Variants in GORASP2 observed in about 807,000 individuals in gnomAD.
GORASP2 encodes Golgi reassembly-stacking protein 2.
In GORASP2, 22 loss-of-function variants were observed where a neutral mutation model predicts 45.7. The ratio of observed to expected loss-of-function variants is 0.48; its 90% confidence interval spans 0.34 to 0.69. GORASP2 has a LOEUF of 0.69. Ranked by LOEUF, GORASP2 falls within the 30% of genes least tolerant of loss-of-function variation. The pLI, the probability that GORASP2 is intolerant of heterozygous loss-of-function variation, is 0.01. For missense variants in GORASP2, 491 were observed against 562.7 expected (o/e 0.87, Z 1.29); for synonymous variants, 221 against 215.6 (o/e 1.02, Z -0.22).
intron 9 of GORASP2, among the ~76,000 whole-genome samples, chr2:170,964,820 T>C (rs1704648384): frequency 6.6e-6 from 1 of 151,808 alleles, no homozygotes; most frequent in African/African-American, 2.4e-5. Context: ...GTGGTTGCCC[T>C]GAACCTGTGC....
At chr2:170,938,964 A>G (rs1460546988) in intron 1 of GORASP2, among the ~76,000 whole-genome samples, 1 of 152,178 alleles carries the variant, frequency 6.6e-6, no homozygotes, top group Non-Finnish European at 1.5e-5. Context: ...CTGTACTCCA[A>G]CCTGGGAACA....
Position 170,962,943 on chromosome 2 carries a change from C to T in GORASP2, c.1015C>T (p.Pro339Ser), listed in dbSNP as rs763414190. ...PGVGLPELVN[P>S]GLPPLPSMPP... ...GGTTGGCTTACCAGAACTTGTAAACCCAGGTATGTTGCAGATCTCACCCTC... is the reference window on the plus strand; with the variant it reads ...GGTTGGCTTACCAGAACTTGTAAACTCAGGTATGTTGCAGATCTCACCCTC... Residue 339 changes from proline to serine, a missense_variant, in exon 9 of 10, where the codon CCA becomes TCA. By Grantham distance (74) the Pro-to-Ser change is moderately conservative. Coordinates refer to ENST00000234160, the MANE Select transcript of GORASP2 (RefSeq NM_015530.5). The T allele has an allele frequency of 6.2e-7, 1 of 1,606,176 alleles. No individual in the cohort carries two copies.
At chr2:170,958,103 T>C (rs1288887833) in intron 7 of GORASP2, among the ~76,000 whole-genome samples, 2 of 152,230 alleles carry the variant, frequency 1.3e-5, no homozygotes, top group Non-Finnish European at 2.9e-5. Flanking sequence ...ATTGGTCTCC[T>C]AGGTTCTCAT....
Position 170,966,504 on chromosome 2 carries a change from A to C in GORASP2, c.*374A>C. On this transcript the variant is annotated 3_prime_UTR_variant, in exon 10 of 10. Coordinates refer to ENST00000234160, the MANE Select transcript of GORASP2 (RefSeq NM_015530.5). ...GAAAATGAAATATTCTATGCCTAATACTCACACGCAACATTTCTTGTACTT... is the reference window on the plus strand; with the variant it reads ...GAAAATGAAATATTCTATGCCTAATCCTCACACGCAACATTTCTTGTACTT... 1 of 270,598 alleles carries C rather than the reference A, an allele frequency of 3.7e-6. No homozygotes were observed. Among genetic ancestry groups the C allele is most frequent in the Non-Finnish European group, 7.1e-6 (1 of 141,230 alleles). The allele number at this position is 270,598 out of a possible 1,614,324, so 16.8% of individuals were successfully genotyped here.
intron 9 of GORASP2, 31 bp downstream of exon 9, chr2:170,962,977 C>T (rs2105329935): frequency 1.4e-6 from 2 of 1,422,062 alleles, no homozygotes; most frequent in Non-Finnish European, 1.0e-6. Context: ...TCCTAGGACT[C>T]TCTCTAATAA....
intron 6 of GORASP2, among the ~76,000 whole-genome samples, 170 bp downstream of exon 6, chr2:170,954,952 A>C (rs905018081): frequency 1.3e-5 from 2 of 152,210 alleles, no homozygotes; most frequent in African/African-American, 4.8e-5. Context: ...GAGGTTAGAT[A>C]TGTGAGTCTG....
At chr2:170,956,605 T>C (rs928312731) in intron 7 of GORASP2, 46 bp downstream of exon 7, 8 of 1,511,252 alleles carry the variant, frequency 5.3e-6, no homozygotes, top group Non-Finnish European at 6.3e-6. Context: ...TTATGTAATA[T>C]TATTGCATAG....
chr2:170,929,239 G>A, upstream of GORASP2: 1 of 897,766 alleles, frequency 1.1e-6, no homozygotes, highest in Non-Finnish European at 1.5e-6. Context: ...CGGCGGCAGC[G>A]AGTGCCACGT....
chr2:170,957,365 C>G (rs991682381), intron 7 of GORASP2, among the ~76,000 whole-genome samples: 1 of 152,162 alleles, frequency 6.6e-6, no homozygotes, highest in African/African-American at 2.4e-5. Context: ...CAACCTCTGC[C>G]TCCCGAGTTC....
intron 9 of GORASP2, among the ~76,000 whole-genome samples, chr2:170,963,708 T>A (rs905687304): frequency 6.6e-6 from 1 of 152,056 alleles, no homozygotes; most frequent in East Asian, 1.9e-4. Flanking sequence ...GTGGCACCGA[T>A]CTTGGCTCAC....
Position 170,965,882 on chromosome 2 carries a change from G to T in GORASP2, c.1111G>T (p.Val371Phe). ...CGAGTTCCTCCCGTCATTCCCCTTG[G>T]TTCCAGAGAGCTCTTCTGCAGCAAG... is the stretch of plus-strand genomic sequence containing the variant. The part of the protein sequence containing the change: ...PSEFLPSFPL[V>F]PESSSAASSG... The change falls in exon 10 of 10, where the codon GTT becomes TTT. Residue 371 changes from valine (V) to phenylalanine (F), a missense_variant. By Grantham distance (50) the Val-to-Phe change is conservative (BLOSUM62 -1). Around this residue, in one of 2 missense-constraint regions of GORASP2, gnomAD observed 297 missense variants for 292.3 expected, o/e 1.02. Transcript: ENST00000234160. The T allele has an allele frequency of 1.2e-6, 2 of 1,613,860 alleles. No individual in the cohort carries two copies. Among genetic ancestry groups the T allele is most frequent in the Non-Finnish European group, 8.5e-7 (1 of 1,179,956 alleles).
rs543538064 is a variant in GORASP2, at chr2:170,929,553, G to A, written c.63+150G>A. 1.4e-3 allele frequency: 939 copies of A among 670,004 alleles called. 6 individuals carry two copies. The African/African-American group carries it at 0.016, about 12-fold the overall frequency. 41.5% of individuals were successfully genotyped at this position (670,004 alleles called of 1,614,324 possible). A position where few individuals can be genotyped will look rare whatever the true frequency, so the allele number is the denominator to read the frequency against. ...GCGGGCGCTGCCTTGGTCGAGGCTG[G>A]TTCCGGAGGCCGCTCGCATCCCACC... On this transcript the variant is annotated intron_variant, in intron 1 of 9. Coordinates refer to ENST00000234160, the MANE Select transcript of GORASP2 (RefSeq NM_015530.5).
At chr2:170,954,813 T>TA (rs1704385933) in intron 6 of GORASP2, 31 bp downstream of exon 6, 1 of 1,581,306 alleles carries the variant, frequency 6.3e-7, no homozygotes. Flanking sequence ...GAGTATATCA[T>TA]AAAGTTTTTA....
rs1413940915 is a variant in GORASP2 at position 170,966,985 on chromosome 2, A to G, written c.*855A>G. 2.0e-5 allele frequency: 3 copies of G among 152,196 alleles called. No individual in the cohort carries two copies. The highest frequency in any genetic ancestry group is 6.5e-5 in the Admixed American group (1 of 15,274). 9.4% of individuals were successfully genotyped at this position (152,196 alleles called of 1,614,324 possible). A position where few individuals can be genotyped will look rare whatever the true frequency, so the allele number is the denominator to read the frequency against. ...ACGTGTGCACTTACTACTCTCCAGT[A>G]TGTCTTATTACTCTCCAGTATGTCA... On this transcript the variant is annotated 3_prime_UTR_variant, in exon 10 of 10. Coordinates refer to ENST00000234160, the MANE Select transcript of GORASP2 (RefSeq NM_015530.5).
rs149847624 is a variant in GORASP2, at chr2:170,930,368, C to T, written c.63+965C>T. 6.8e-3 allele frequency among the ~76,000 whole-genome samples: 1,031 copies of T among 152,298 alleles called. 10 individuals carry two copies. Among genetic ancestry groups the T allele is most frequent in the Middle Eastern group, 0.014 (4 of 294 alleles). On this transcript the variant is annotated intron_variant, in intron 1 of 9. Transcript: ENST00000234160. ...ACATGAACAGTCAACAGAGTGGCCG[C>T]AGCGTGTAGCGCCATTTAGGGGTGT...
rs1439878439 is a variant in GORASP2, at chr2:170,956,554, G to C, written c.818G>C (p.Ser273Thr). ...CCACCAGCTGTCAGTAGTGTTCTCA[G>C]TACAGGTGTGCAGAAAAATATATTC... ...STPPAVSSVL[S>T]TGVPTVPLLP... The change falls in exon 7 of 10, where the codon AGT becomes ACT. Residue 273 changes from serine to threonine, a missense_variant. This residue lies in a region of GORASP2 where 297 missense variants were observed against 292.3 expected (regional missense o/e 1.02). Transcript: ENST00000234160. 1 of 1,601,496 alleles carries C rather than the reference G, an allele frequency of 6.2e-7. No individual in the cohort carries two copies. The highest frequency in any genetic ancestry group is 2.2e-5 in the East Asian group (1 of 44,826).
chr2:170,949,630 T>G lies in GORASP2; in HGVS notation c.236T>G (p.Leu79Arg), dbSNP rs775641569. 6.2e-7 allele frequency: 1 copy of G among 1,614,096 alleles called. No individual in the cohort carries two copies. The highest frequency in any genetic ancestry group is 2.2e-5 in the East Asian group (1 of 44,888). ...ATCTATAGCAGCAAAACATTGGAACTGCGAGAGACCTCAGTCACACCAAGT... is the reference window on the plus strand; with the variant it reads ...ATCTATAGCAGCAAAACATTGGAACGGCGAGAGACCTCAGTCACACCAAGT... ...MLIYSSKTLELRETSVTPSNL... is the reference protein window; with the variant it reads ...MLIYSSKTLERRETSVTPSNL... The change falls in exon 3 of 10, where the codon CTG (leucine) becomes CGG (arginine). Residue 79 changes from leucine (L) to arginine (R), a missense_variant. Transcript: ENST00000234160.
intron 1 of GORASP2, among the ~76,000 whole-genome samples, chr2:170,939,350 G>A (rs1210152794): frequency 6.6e-6 from 1 of 152,168 alleles, no homozygotes; most frequent in African/African-American, 2.4e-5. Flanking sequence ...GTTTTAGCAG[G>A]TGAGGCTTGA....
intron 1 of GORASP2, among the ~76,000 whole-genome samples, chr2:170,931,787 T>C (rs1703829594): frequency 6.6e-6 from 1 of 152,204 alleles, no homozygotes; most frequent in Non-Finnish European, 1.5e-5. Flanking sequence ...CTATGAGCAG[T>C]GTAGTTCCTT....
Sources: gnomAD v4.1 joint callset for allele counts (sites outside exome capture counted in the v4.1 genomes callset) on GRCh38, gnomAD v4.1.1 for gene constraint, gnomAD v4.1.1 regional missense constraint, MANE v1.5 for transcripts, NCBI Gene and HGNC (gene_info 2026-07-23, HGNC 2026-07-21) for gene names.